UNC79: variants seen among roughly 807,000 people sequenced by gnomAD.
The protein encoded by UNC79 is protein unc-79 homolog.
In UNC79, 37 loss-of-function variants were observed where a neutral mutation model predicts 283.1. The observed-to-expected ratio is 0.13, with a 90% confidence interval of 0.10 to 0.17. The LOEUF is 0.17. Among genes scored for constraint, UNC79 ranks in the 10% least tolerant of loss-of-function variants. UNC79 has a pLI of 1.00. For synonymous variants in UNC79, 1,107 were observed against 1,200.2 expected, an observed-to-expected ratio of 0.92 and a Z score of 1.61; for missense variants, 2,272 against 3,211.1, an observed-to-expected ratio of 0.71 and a Z score of 7.07.
rs561652059 is a variant in UNC79 at position 93,372,806 on chromosome 14, A to G, written c.-351+39283A>G. Among the ~76,000 whole-genome samples the G allele has an allele frequency of 2.0e-5, 3 of 152,336 alleles. No homozygotes were observed. The East Asian group carries it at 5.8e-4, about 29-fold the overall frequency. ...ATAGTTGAACTCAACAACACCATCA[A>G]TCAACTGGATGTAATGGTCATCTAT... On this transcript the variant is annotated intron_variant, in intron 1 of 49. Coordinates refer to the UNC79 transcript ENST00000256339.
intron 24 of UNC79, among the ~76,000 whole-genome samples, chr14:93,599,805 G>A (rs928573259): frequency 6.6e-5 from 10 of 152,028 alleles, no homozygotes; most frequent in Non-Finnish European, 1.0e-4. Context: ...TGCTTTTTTC[G>A]GAATCATGAA....
intron 1 of UNC79, among the ~76,000 whole-genome samples, chr14:93,410,848 T>C (rs996706273): frequency 1.3e-5 from 2 of 152,120 alleles, no homozygotes; most frequent in Admixed American, 6.6e-5. Flanking sequence ...AACTGAGATT[T>C]TCTGACTTCA....
intron 24 of UNC79, among the ~76,000 whole-genome samples, chr14:93,599,146 G>A (rs1180831256): frequency 6.6e-6 from 1 of 152,190 alleles, no homozygotes; most frequent in African/African-American, 2.4e-5. Flanking sequence ...ACATTCCTCA[G>A]ATAGCTACTG....
chr14:93,550,653 G>C (rs1357148068), intron 14 of UNC79, among the ~76,000 whole-genome samples: 1 of 152,128 alleles, frequency 6.6e-6, no homozygotes, highest in Non-Finnish European at 1.5e-5. Flanking sequence ...CAGTTGCCTA[G>C]GTTGCAGCTG....
intron 1 of UNC79, among the ~76,000 whole-genome samples, chr14:93,451,983 A>G (rs777870696): frequency 6.6e-6 from 1 of 152,152 alleles, no homozygotes; most frequent in South Asian, 2.1e-4. Flanking sequence ...ATTTGGTGAC[A>G]TTTTAGTTGT....
intron 7 of UNC79, among the ~76,000 whole-genome samples, chr14:93,499,202 A>G (rs2059169317): frequency 6.6e-6 from 1 of 152,184 alleles, no homozygotes; most frequent in African/African-American, 2.4e-5. Context: ...TTAAAATGGG[A>G]ATTGGTATCA....
chr14:93,340,438 T>A (rs1279348398), intron 1 of UNC79, among the ~76,000 whole-genome samples: 3 of 96,040 alleles, frequency 3.1e-5, no homozygotes, highest in African/African-American at 1.6e-4. Flanking sequence ...CAAAACGCTG[T>A]CTCAAAAAAA....
chr14:93,491,317 A>G (rs1044829028), intron 5 of UNC79, among the ~76,000 whole-genome samples: 9 of 151,880 alleles, frequency 5.9e-5, no homozygotes, highest in African/African-American at 1.9e-4. Context: ...AAATATATAT[A>G]TGGGGAAATT....
intron 1 of UNC79, among the ~76,000 whole-genome samples, chr14:93,432,217 ATAAAT>A (rs1383372985): frequency 6.6e-6 from 1 of 152,244 alleles, no homozygotes; most frequent in Non-Finnish European, 1.5e-5. Flanking sequence ...TATTCACCAG[ATAAAT>A]TAAATAAACT....
intron 47 of UNC79, among the ~76,000 whole-genome samples, chr14:93,698,649 C>A (rs2141021884): frequency 6.6e-6 from 1 of 151,984 alleles, no homozygotes; most frequent in South Asian, 2.1e-4. Flanking sequence ...CCATGCCCAG[C>A]TAATTTTTGT....
Position 93,474,449 on chromosome 14 carries a change from G to C in UNC79, c.448+56G>C, listed in dbSNP as rs549993257. ...TACGTGGATGCTTATGAATGTATAT[G>C]ATGCTGAGCAAGGGGCTTGGAGATG... On this transcript the variant is annotated intron_variant, in intron 3 of 48. Coordinates refer to ENST00000555664, the Ensembl canonical transcript of UNC79. The surrounding 1 kb of genome is among the most constrained non-coding windows in gnomAD (Gnocchi z 4.1). The C allele has an allele frequency of 1.3e-4, 187 of 1,494,204 alleles. 5 individuals carry two copies. The South Asian group carries it at 2.3e-3, about 19-fold the overall frequency. The allele number at this position is 1,494,204 out of a possible 1,614,324, so 92.6% of individuals were successfully genotyped here.
intron 18 of UNC79, among the ~76,000 whole-genome samples, chr14:93,579,130 A>G (rs751355279): frequency 9.2e-5 from 14 of 152,126 alleles, no homozygotes; most frequent in Non-Finnish European, 1.6e-4. Flanking sequence ...TTTTTTTGGC[A>G]GGAAGACCAC....
chr14:93,697,355 C>G (rs373089866), intron 47 of UNC79, among the ~76,000 whole-genome samples: 1 of 152,010 alleles, frequency 6.6e-6, no homozygotes. Flanking sequence ...AGGCTGGTCT[C>G]GAACTCCTGA....
At chr14:93,514,290 G>C (rs1432692140) in intron 7 of UNC79, among the ~76,000 whole-genome samples, 2 of 152,166 alleles carry the variant, frequency 1.3e-5, no homozygotes, top group Non-Finnish European at 2.9e-5. Flanking sequence ...TAAAAGGATA[G>C]TGAAGGATTA....
At chr14:93,674,216 A>G (rs971924635) in intron 41 of UNC79, among the ~76,000 whole-genome samples, 6 of 152,182 alleles carry the variant, frequency 3.9e-5, no homozygotes, top group African/African-American at 1.4e-4. Flanking sequence ...ATGTGAAATC[A>G]GAGACTTCAT....
chr14:93,550,698 C>A (rs910602068), intron 14 of UNC79, among the ~76,000 whole-genome samples: 40 of 152,224 alleles, frequency 2.6e-4, no homozygotes, highest in African/African-American at 8.7e-4. Flanking sequence ...TAATCACATT[C>A]CCTTAAATAT....
At chr14:93,462,211 C>T (rs990474313) in intron 1 of UNC79, among the ~76,000 whole-genome samples, 2 of 152,150 alleles carry the variant, frequency 1.3e-5, no homozygotes, top group African/African-American at 4.8e-5. Context: ...AGGGCTCAGG[C>T]AGGAGAATCA....
chr14:93,405,079 T>C (rs1020183827), intron 1 of UNC79, among the ~76,000 whole-genome samples: 3 of 152,100 alleles, frequency 2.0e-5, no homozygotes, highest in African/African-American at 2.4e-5. Context: ...GGTCGGTAGT[T>C]CGAGACCCGC....
chr14:93,534,138 T>G (rs4905076), intron 11 of UNC79, among the ~76,000 whole-genome samples: 81,908 of 152,074 alleles, frequency 0.54, 22,360 homozygotes, highest in Admixed American at 0.63. Flanking sequence ...CTATAGCAGC[T>G]CCAGCCATAA....
Sources: gnomAD v4.1 joint callset for allele counts (sites outside exome capture counted in the v4.1 genomes callset) on GRCh38, gnomAD v4.1.1 for gene constraint, Gnocchi (gnomAD v3.1) non-coding constraint, MANE v1.5 for transcripts, NCBI Gene and HGNC (gene_info 2026-07-23, HGNC 2026-07-21) for gene names.